The following LBP variants were observed in gnomAD, a reference collection of about 807,000 sequenced individuals.
LBP encodes the protein lipopolysaccharide binding protein, also known as lipopolysaccharide-binding protein.
In LBP, 53 loss-of-function variants were observed where a neutral mutation model predicts 56.6. The observed-to-expected ratio is 0.94, with a 90% CI of 0.75 to 1.18. The LOEUF (loss-of-function observed/expected upper bound fraction) is 1.18, where lower values mean the gene tolerates loss of function less well. LBP is among the 50% of genes most tolerant of loss of function. LBP has a pLI of 0.00. For missense variants in LBP, 601 were observed against 598.3 expected (o/e 1.00, Z -0.05); for synonymous variants, 227 against 247.5 (o/e 0.92, Z 0.78).
intron 3 of LBP, 34 bp from the exon 4 acceptor site, chr20:38,354,250 A>G (rs1373830671): frequency 6.3e-7 from 1 of 1,591,852 alleles, no homozygotes. Flanking sequence ...CCCCTGGTCT[A>G]GGAACTAACC....
intron 8 of LBP, among the ~76,000 whole-genome samples, chr20:38,366,557 C>G (rs1468798793): frequency 6.6e-6 from 1 of 152,206 alleles, no homozygotes; most frequent in Non-Finnish European, 1.5e-5. Context: ...GTGGGAGCCA[C>G]ACATCAGCTG....
At chr20:38,368,738 G>C (rs1265857655) in intron 9 of LBP, among the ~76,000 whole-genome samples, 1 of 152,192 alleles carries the variant, frequency 6.6e-6, no homozygotes, top group Non-Finnish European at 1.5e-5. Context: ...GAGACAACTT[G>C]ATGCCCAATA....
intron 8 of LBP, among the ~76,000 whole-genome samples, chr20:38,366,289 T>C (rs2076881565): frequency 6.6e-6 from 1 of 152,204 alleles, no homozygotes; most frequent in Non-Finnish European, 1.5e-5. Flanking sequence ...GGTTTACCCA[T>C]CCTACTGCGG....
chr20:38,369,562 G>A (rs1203937486), intron 10 of LBP, among the ~76,000 whole-genome samples: 1 of 152,206 alleles, frequency 6.6e-6, no homozygotes, highest in Non-Finnish European at 1.5e-5. Flanking sequence ...TTCCACCCAG[G>A]TCAACCAATG....
intron 5 of LBP, among the ~76,000 whole-genome samples, chr20:38,360,231 G>A (rs1301835360): frequency 6.8e-6 from 1 of 146,330 alleles, no homozygotes; most frequent in Non-Finnish European, 1.5e-5. Flanking sequence ...CTGCACTCCA[G>A]CCTGGCCAAC....
At position 38,355,367 on chromosome 20, in the gene LBP, C is replaced by A. The variant is rs1186682343; in HGVS notation, c.546C>A (p.His182Gln). 2 of 1,613,848 alleles carry A rather than the reference C, an allele frequency of 1.2e-6. No homozygotes were observed. Among genetic ancestry groups the A allele is most frequent in the Non-Finnish European group, 8.5e-7 (1 of 1,179,994 alleles). ...GDLGWLLNLFHNQIESKFQKV... is the reference protein window; with the variant it reads ...GDLGWLLNLFQNQIESKFQKV... ...CCAGGTGGCTGTTGAACCTCTTCCA[C>A]AACCAGATTGAGTCCAAGTTCCAGA... The change falls in exon 5 of 15, where the codon CAC becomes CAA. Residue 182 changes from histidine to glutamine, a missense_variant. Coordinates refer to ENST00000217407, the MANE Select transcript of LBP (RefSeq NM_004139.5).
chr20:38,354,214 C>G (rs890146558), intron 3 of LBP, 70 bp from the exon 4 acceptor site: 3 of 1,389,756 alleles, frequency 2.2e-6, no homozygotes, highest in African/African-American at 2.9e-5. Flanking sequence ...ACTGAGCCTT[C>G]TATTTTCCCC....
intron 5 of LBP, among the ~76,000 whole-genome samples, chr20:38,357,077 G>T (rs1339879147): frequency 6.6e-6 from 1 of 152,156 alleles, no homozygotes; most frequent in East Asian, 1.9e-4. Flanking sequence ...GGCTGGTCTT[G>T]AACTCCTGAC....
chr20:38,373,217 CTCT>C, intron 13 of LBP, 82 bp downstream of exon 13: 1 of 1,213,674 alleles, frequency 8.2e-7, no homozygotes, highest in Admixed American at 1.7e-5. Context: ...GAAAACAGGG[CTCT>C]CCTGGGGGCT....
In LBP at chr20:38,370,765, T is replaced by G; in HGVS notation, c.1177T>G (p.Phe393Val). 3 of 1,614,130 alleles carry G rather than the reference T, an allele frequency of 1.9e-6. No individual in the cohort carries two copies. Among genetic ancestry groups the G allele is most frequent in the African/African-American group, 2.7e-5 (2 of 75,036 alleles). ...CACTAATGTGTCCGCCACCTTGACCTTCAATACCAGCAAGATCACTGGGTT... is the reference window on the plus strand; with the variant it reads ...CACTAATGTGTCCGCCACCTTGACCGTCAATACCAGCAAGATCACTGGGTT... ...VATNVSATLT[F>V]NTSKITGFLK... Residue 393 changes from phenylalanine to valine, a missense_variant, in exon 11 of 15, where the codon TTC (phenylalanine) becomes GTC (valine). Physicochemically the swap from Phe to Val is conservative, Grantham distance 50. Transcript: ENST00000217407.
chr20:38,357,869 A>G (rs1185932194), intron 5 of LBP, among the ~76,000 whole-genome samples: 2 of 152,144 alleles, frequency 1.3e-5, no homozygotes, highest in Non-Finnish European at 2.9e-5. Flanking sequence ...GCATTTGTAA[A>G]CTGTCTTGGC....
Position 38,373,195 on chromosome 20 carries a change from G to C in LBP, c.1324+60G>C. 3 of 1,472,564 alleles carry C rather than the reference G, an allele frequency of 2.0e-6. No individual in the cohort carries two copies. In the South Asian group the frequency reaches 3.4e-5, roughly 17 times the overall value. 91.2% of individuals were successfully genotyped at this position (1,472,564 alleles called of 1,614,324 possible). On this transcript the variant is annotated intron_variant, in intron 13 of 14. Coordinates refer to ENST00000217407, the MANE Select transcript of LBP (RefSeq NM_004139.5). ...TGAACACTGCTGTCTGGAGGAAAGA[G>C]AGTTGGACTTGGAAAACAGGGCTCT...
chr20:38,371,360 A>G, intron 12 of LBP, 38 bp downstream of exon 12: 1 of 1,466,358 alleles, frequency 6.8e-7, no homozygotes, highest in Non-Finnish European at 9.5e-7. Context: ...TAGAATGTTA[A>G]TTAATTTGGG....
intron 5 of LBP, among the ~76,000 whole-genome samples, chr20:38,360,279 A>G (rs2076855251): frequency 6.6e-6 from 1 of 152,166 alleles, no homozygotes; most frequent in Non-Finnish European, 1.5e-5. Flanking sequence ...AAAAAACAAA[A>G]AAACTATCTA....
At chr20:38,367,809 G>A (rs999580024) in intron 9 of LBP, among the ~76,000 whole-genome samples, 13 of 152,036 alleles carry the variant, frequency 8.6e-5, no homozygotes, top group African/African-American at 2.9e-4. Flanking sequence ...GTTTTTCCAC[G>A]AATAGCCTCC....
At chr20:38,363,712 G>GT (rs2122614443) in intron 6 of LBP, among the ~76,000 whole-genome samples, 1 of 152,234 alleles carries the variant, frequency 6.6e-6, no homozygotes, top group Admixed American at 6.5e-5. Flanking sequence ...GACTCATGGT[G>GT]TGTGTGTATG....
chr20:38,360,597 C>A, intron 5 of LBP, 107 bp from the exon 6 acceptor site: 1 of 706,888 alleles, frequency 1.4e-6, no homozygotes, highest in Non-Finnish European at 2.5e-6. Flanking sequence ...ATTTGTAAAT[C>A]AGTGATCACT....
chr20:38,346,491 C>T lies in LBP; in HGVS notation c.-26C>T, dbSNP rs2076801336. The T allele has an allele frequency of 6.2e-7, 1 of 1,612,614 alleles. No homozygotes were observed. Among genetic ancestry groups the T allele is most frequent in the South Asian group, 1.1e-5 (1 of 91,008 alleles). On this transcript the variant is annotated 5_prime_UTR_variant, in exon 1 of 15. Transcript: ENST00000217407. ...GGCCCAATCCACAGCTGGGACAGTC[C>T]TGGCCCACTGCACTGGGAATCTAGG... is the stretch of plus-strand genomic sequence containing the variant.
chr20:38,372,037 G>A (rs2076902529), intron 12 of LBP, among the ~76,000 whole-genome samples: 1 of 152,158 alleles, frequency 6.6e-6, no homozygotes, highest in African/African-American at 2.4e-5. Context: ...AAAACAAGAG[G>A]GATTGAGTGC....
Sources: allele counts gnomAD v4.1 joint callset (sites outside exome capture counted in the v4.1 genomes callset), GRCh38; gene constraint gnomAD v4.1.1; transcripts MANE v1.5; gene names NCBI Gene and HGNC (gene_info 2026-07-23, HGNC 2026-07-21).